The following TBC1D2B variants were observed in gnomAD, a reference collection of about 807,000 sequenced individuals.
The protein encoded by TBC1D2B is TBC1 domain family member 2B, also known as TBC1 domain family, member 2B.
Under a neutral mutation model 100.8 loss-of-function variants are expected in TBC1D2B, and 64 were observed. The observed-to-expected ratio is 0.64, with a 90% CI of 0.52 to 0.78. The LOEUF is 0.78. Ranked by LOEUF, TBC1D2B falls within the 30% of genes least tolerant of loss-of-function variation. TBC1D2B has a pLI of 0.00. For synonymous variants in TBC1D2B, 480 were observed against 479.7 expected, an observed-to-expected ratio of 1.00 and a Z score of -0.01; for missense variants, 1,052 against 1,218.4, an observed-to-expected ratio of 0.86 and a Z score of 2.03.
rs573480843 is a variant in TBC1D2B at position 78,030,452 on chromosome 15, C to T, written c.684-282G>A. Among the ~76,000 whole-genome samples the T allele has an allele frequency of 9.9e-5, 15 of 152,080 alleles. 1 individual carries two copies. In the South Asian group the frequency reaches 3.1e-3, roughly 32 times the overall value. Reference sequence around the variant, plus strand: ...TGAGTAGCTGGGATTACAGGCTGCACCACCATGCCCAGCTAATTTTTTTTT... The same window carrying T: ...TGAGTAGCTGGGATTACAGGCTGCATCACCATGCCCAGCTAATTTTTTTTT... On this transcript the variant is annotated intron_variant, in intron 3 of 12. Transcript: ENST00000300584.
rs112210409 is a variant in TBC1D2B, at chr15:77,999,066, T to C, written c.2697-711A>G. On this transcript the variant is annotated intron_variant, in intron 12 of 12. Transcript: ENST00000300584. ...AGGCCTGGCTATGGATTTGTAGCAC[T>C]AATGGGTCAGCCACACTGGTCTCTG... 630 of 277,766 alleles carry C rather than the reference T, an allele frequency of 2.3e-3. 4 individuals are homozygous for C. Among genetic ancestry groups the C allele is most frequent in the African/African-American group, 0.013 (594 of 45,314 alleles). The allele number at this position is 277,766 out of a possible 1,614,324, so 17.2% of individuals were successfully genotyped here. A position where few individuals can be genotyped will look rare whatever the true frequency, so the allele number is the denominator to read the frequency against.
At chr15:78,067,486 G>A (rs763569624) in intron 1 of TBC1D2B, among the ~76,000 whole-genome samples, 1 of 152,210 alleles carries the variant, frequency 6.6e-6, no homozygotes, top group Non-Finnish European at 1.5e-5. Flanking sequence ...CCAGAGAGCT[G>A]GAGAGGAAAA....
intron 1 of TBC1D2B, among the ~76,000 whole-genome samples, chr15:78,074,011 T>G (rs2073783781): frequency 6.6e-6 from 1 of 151,400 alleles, no homozygotes; most frequent in Non-Finnish European, 1.5e-5. Context: ...GGGTGTTTTT[T>G]GCTTGTTTGT....
chr15:78,049,020 T>C (rs1194151159), intron 2 of TBC1D2B, among the ~76,000 whole-genome samples: 1 of 152,092 alleles, frequency 6.6e-6, no homozygotes, highest in African/African-American at 2.4e-5. Flanking sequence ...ACACTGGGAG[T>C]TGGAGGAAGA....
rs2071730453 is a variant in TBC1D2B at position 77,995,618 on chromosome 15, T to C, written c.*2542A>G. On this transcript the variant is annotated 3_prime_UTR_variant, in exon 13 of 13. Transcript: ENST00000300584. Reference sequence around the variant, plus strand: ...GAAAATAGCCTATAAAAATATAAACTGTAGTGAGAGTGTACAAAAGTATTA... The same window carrying C: ...GAAAATAGCCTATAAAAATATAAACCGTAGTGAGAGTGTACAAAAGTATTA... The C allele has an allele frequency of 6.6e-6, 1 of 152,396 alleles. No individual in the cohort carries two copies. Among genetic ancestry groups the C allele is most frequent in the Non-Finnish European group, 1.5e-5 (1 of 68,018 alleles). 9.4% of individuals were successfully genotyped at this position (152,396 alleles called of 1,614,324 possible).
rs539149515 is a variant in TBC1D2B, at chr15:78,005,112, T to A, written c.2389-1622A>T. Among the ~76,000 whole-genome samples the A allele has an allele frequency of 2.6e-5, 4 of 152,302 alleles. No homozygotes were observed. In the East Asian group the frequency reaches 7.7e-4, roughly 29 times the overall value. ...GCCCTGACATGGGAGAAGATCCTTGTACACATCTCTTCTCCCAACTAGGAG... is the reference window on the plus strand; with the variant it reads ...GCCCTGACATGGGAGAAGATCCTTGAACACATCTCTTCTCCCAACTAGGAG... On this transcript the variant is annotated intron_variant, in intron 10 of 12. Transcript: ENST00000300584.
At chr15:78,040,093 C>A (rs1333440496) in intron 3 of TBC1D2B, among the ~76,000 whole-genome samples, 1 of 152,198 alleles carries the variant, frequency 6.6e-6, no homozygotes, top group African/African-American at 2.4e-5. Context: ...GCTCAACCGC[C>A]ACACAGGCTT....
chr15:78,027,818 C>T (rs1201488477), intron 4 of TBC1D2B, among the ~76,000 whole-genome samples: 1 of 152,296 alleles, frequency 6.6e-6, no homozygotes, highest in East Asian at 1.9e-4. Context: ...TTCCAGGTAG[C>T]ATTATCAGCT....
At chr15:78,050,692 G>T (rs1300156443) in intron 2 of TBC1D2B, among the ~76,000 whole-genome samples, 1 of 152,202 alleles carries the variant, frequency 6.6e-6, no homozygotes, top group Non-Finnish European at 1.5e-5. Flanking sequence ...GGCATGGCAT[G>T]CCTTCAGAGG....
intron 4 of TBC1D2B, chr15:78,025,777 C>T (rs1394147687): frequency 3.7e-5 from 7 of 191,422 alleles, no homozygotes; most frequent in Non-Finnish European, 5.3e-5. Flanking sequence ...CCTTCCTCCT[C>T]GGCCTCCCGA....
In TBC1D2B at chr15:78,029,999, A is replaced by G. The variant is rs775656951; in HGVS notation, c.847+8T>C. ...GAGAATGACAGACAACAGGAAGTACATTGATACCTTTGTTTCCTTCAGGGG... is the reference window on the plus strand; with the variant it reads ...GAGAATGACAGACAACAGGAAGTACGTTGATACCTTTGTTTCCTTCAGGGG... On this transcript the variant is annotated splice_region_variant and intron_variant, in intron 4 of 12. Transcript: ENST00000300584. 3 of 1,604,046 alleles carry G rather than the reference A, an allele frequency of 1.9e-6. No homozygotes were observed. The East Asian group carries it at 6.7e-5, about 36-fold the overall frequency.
intron 6 of TBC1D2B, among the ~76,000 whole-genome samples, chr15:78,018,498 C>A (rs1360477747): frequency 6.6e-6 from 1 of 152,194 alleles, no homozygotes; most frequent in Non-Finnish European, 1.5e-5. Context: ...TTCTTCAACA[C>A]TGAAAAATTT....
intron 10 of TBC1D2B, among the ~76,000 whole-genome samples, chr15:78,006,464 T>C (rs548255654): frequency 6.6e-6 from 1 of 152,236 alleles, no homozygotes; most frequent in Admixed American, 6.5e-5. Context: ...TGGGATCCAC[T>C]GACATCTGAG....
In TBC1D2B at chr15:78,077,606, T is replaced by TCGC. The variant is rs934967827; in HGVS notation, c.44_46dup (p.Gly15dup). The TCGC allele has an allele frequency of 2.0e-5, 21 of 1,047,236 alleles. No individual in the cohort carries two copies. Among genetic ancestry groups the TCGC allele is most frequent in the East Asian group, 6.7e-5 (1 of 14,952 alleles). 64.9% of individuals were successfully genotyped at this position (1,047,236 alleles called of 1,614,324 possible). A position where few individuals can be genotyped will look rare whatever the true frequency, so the allele number is the denominator to read the frequency against. On this transcript the variant is annotated inframe_insertion, in exon 1 of 13. Transcript: ENST00000300584. ...CGCGGCCGCCCCCTGCGCCGCGCCC[T>TCGC]CGCCGCCGCCGCCGCCCTCCTCCGC...
At position 78,045,993 on chromosome 15, in the gene TBC1D2B, G is replaced by A. The variant is rs1375194226; in HGVS notation, c.515-925C>T. Among the ~76,000 whole-genome samples, 7 of 151,970 alleles carry A rather than the reference G, an allele frequency of 4.6e-5. No homozygotes were observed. The South Asian group carries it at 6.2e-4, about 13-fold the overall frequency. ...GTTGCCCAGGACAGAATGCAATGGC[G>A]CGGTCTCGGCTCACTGCAACCTCCT... On this transcript the variant is annotated intron_variant, in intron 2 of 12. Transcript: ENST00000300584.
intron 3 of TBC1D2B, among the ~76,000 whole-genome samples, chr15:78,037,536 A>G (rs1596319824): frequency 6.6e-6 from 1 of 152,206 alleles, no homozygotes; most frequent in East Asian, 1.9e-4. Context: ...TGTCTTCCTG[A>G]AGAACCTTAA....
At chr15:78,011,425 C>T (rs1446518693) in intron 9 of TBC1D2B, among the ~76,000 whole-genome samples, 2 of 151,968 alleles carry the variant, frequency 1.3e-5, no homozygotes, top group Non-Finnish European at 2.9e-5. Flanking sequence ...TACAGAATTC[C>T]TAAGGTACAC....
chr15:78,005,444 C>T (rs928621207), intron 10 of TBC1D2B, among the ~76,000 whole-genome samples: 3 of 152,226 alleles, frequency 2.0e-5, no homozygotes, highest in Admixed American at 6.5e-5. Flanking sequence ...ATTGGCAAAG[C>T]CCAGTGCTCA....
intron 10 of TBC1D2B, among the ~76,000 whole-genome samples, chr15:78,007,246 C>T (rs143349121): frequency 6.6e-6 from 1 of 152,168 alleles, no homozygotes; most frequent in African/African-American, 2.4e-5. Flanking sequence ...CTGAGGAGCC[C>T]CAGACAACAG....
Sources: gnomAD v4.1 joint callset for allele counts (sites outside exome capture counted in the v4.1 genomes callset) on GRCh38, gnomAD v4.1.1 for gene constraint, MANE v1.5 for transcripts, NCBI Gene and HGNC (gene_info 2026-07-23, HGNC 2026-07-21) for gene names.